Variants in TENM2 observed in about 807,000 individuals in gnomAD.
TENM2 encodes teneurin-2.
A neutral mutation model predicts 245.2 loss-of-function variants in TENM2; 52 were observed. The observed-to-expected ratio is 0.21, with a 90% confidence interval of 0.17 to 0.27. TENM2 has a LOEUF of 0.27. Among genes scored for constraint, TENM2 ranks in the 10% least tolerant of loss-of-function variants. The pLI is 1.00. For synonymous variants in TENM2, 1,363 were observed against 1,438.9 expected (o/e 0.95, Z 1.19); for missense variants, 3,046 against 3,666.8 (o/e 0.83, Z 4.37).
At chr5:167,366,932 A>G (rs937169569) in intron 1 of TENM2, among the ~76,000 whole-genome samples, 9 of 152,182 alleles carry the variant, frequency 5.9e-5, no homozygotes, top group Admixed American at 5.2e-4. Flanking sequence ...TGGAATTTTC[A>G]TCAGCAGAAA....
intron 2 of TENM2, among the ~76,000 whole-genome samples, chr5:167,515,905 C>T (rs562415668): frequency 1.7e-4 from 26 of 152,044 alleles, no homozygotes; most frequent in African/African-American, 5.5e-4. Context: ...TTGTTAATTA[C>T]ACTCATTTAG....
intron 4 of TENM2, among the ~76,000 whole-genome samples, chr5:167,991,598 G>A (rs1783671043): frequency 6.6e-6 from 1 of 152,158 alleles, no homozygotes; most frequent in Non-Finnish European, 1.5e-5. Context: ...TCCCGACCCT[G>A]AGGAGGAGCT....
intron 2 of TENM2, among the ~76,000 whole-genome samples, chr5:167,771,020 C>T (rs1240237475): frequency 1.3e-5 from 2 of 151,582 alleles, no homozygotes; most frequent in Admixed American, 6.6e-5. Context: ...TAAAAATAAC[C>T]TGAGATTTAA....
the TENM2 span, among the ~76,000 whole-genome samples, chr5:167,196,540 A>G: frequency 6.7e-6 from 1 of 149,678 alleles, no homozygotes; most frequent in Non-Finnish European, 1.5e-5. Flanking sequence ...GTGTGTACAT[A>G]TATGTGTGTA....
intron 2 of TENM2, among the ~76,000 whole-genome samples, chr5:167,802,672 C>T (rs1257173470): frequency 6.6e-6 from 1 of 152,166 alleles, no homozygotes; most frequent in Non-Finnish European, 1.5e-5. Context: ...AAACCAGTTA[C>T]ACACTGGGCA....
rs1180273750 is a variant in TENM2 at position 167,341,231 on chromosome 5, A to C, written c.227-33967A>C. Among the ~76,000 whole-genome samples, 4 of 152,304 alleles carry C rather than the reference A, an allele frequency of 2.6e-5. No individual in the cohort carries two copies. In the East Asian group the frequency reaches 7.7e-4, roughly 29 times the overall value. ...TTAATTGTGTGATTAAAATTAGAGAAGGGGATTTTATTTTATTTTATTTTT... is the reference window on the plus strand; with the variant it reads ...TTAATTGTGTGATTAAAATTAGAGACGGGGATTTTATTTTATTTTATTTTT... On this transcript the variant is annotated intron_variant, in intron 1 of 28. Transcript: ENST00000518659.
At chr5:167,814,343 T>G (rs1265633634) in intron 2 of TENM2, among the ~76,000 whole-genome samples, 2 of 151,428 alleles carry the variant, frequency 1.3e-5, no homozygotes, top group African/African-American at 4.9e-5. Flanking sequence ...CTAGCTGGGC[T>G]ATAGGACATA....
intron 2 of TENM2, among the ~76,000 whole-genome samples, chr5:167,850,398 G>A (rs1055943720): frequency 6.6e-6 from 1 of 152,188 alleles, no homozygotes; most frequent in African/African-American, 2.4e-5. Context: ...CTGTGAGGCT[G>A]TGGCAGAGTG....
rs977569725 is a variant in TENM2 at position 167,748,971 on chromosome 5, C to G, written c.503-127015C>G. On this transcript the variant is annotated intron_variant, in intron 2 of 28. Coordinates refer to ENST00000518659, the Ensembl canonical transcript of TENM2. ...TATATTGCCTAGGCTGGTCTCAAAT[C>G]CTTGGTCTCAAGCCATTCTCTCCCC... Among the ~76,000 whole-genome samples, 3 of 152,000 alleles carry G rather than the reference C, an allele frequency of 2.0e-5. No individual in the cohort carries two copies. In the South Asian group the frequency reaches 6.2e-4, roughly 32 times the overall value.
At chr5:167,931,020 T>C (rs1778241554) in intron 3 of TENM2, among the ~76,000 whole-genome samples, 1 of 152,174 alleles carries the variant, frequency 6.6e-6, no homozygotes, top group African/African-American at 2.4e-5. Flanking sequence ...GATCGCAAAC[T>C]AGTGCAGCAC....
At chr5:167,861,995 C>A (rs1025125102) in intron 2 of TENM2, among the ~76,000 whole-genome samples, 1 of 152,196 alleles carries the variant, frequency 6.6e-6, no homozygotes, top group Admixed American at 6.5e-5. Flanking sequence ...AGAAAACATG[C>A]CTCTTATGTT....
At chr5:168,212,023 C>T (rs182466890) in intron 20 of TENM2, among the ~76,000 whole-genome samples, 11 of 152,246 alleles carry the variant, frequency 7.2e-5, no homozygotes, top group Admixed American at 2.6e-4. Flanking sequence ...ACTTCTATCC[C>T]GACTGCTCAG....
At chr5:167,958,004 G>A (rs183106697) in intron 4 of TENM2, among the ~76,000 whole-genome samples, 52 of 152,270 alleles carry the variant, frequency 3.4e-4, no homozygotes, top group Middle Eastern at 6.8e-3. Flanking sequence ...TTGGTCCAGA[G>A]CTGAGTTCAA....
rs762116351 is a variant in TENM2, at chr5:167,312,907, C to CT, written c.226+27858dup. ...CCCTCATGAAACCTTGACCTTGACT[C>CT]TTTTTTTTTTTTTTAAATGGAGCCT... On this transcript the variant is annotated intron_variant, in intron 1 of 28. Coordinates refer to ENST00000518659, the Ensembl canonical transcript of TENM2. Among the ~76,000 whole-genome samples the CT allele has an allele frequency of 4.3e-3, 407 of 94,742 alleles. 4 individuals are homozygous for CT. The highest frequency in any genetic ancestry group is 0.011 in the African/African-American group (343 of 32,440). The allele number at this position is 94,742 out of a possible 152,430, so 62.2% of individuals were successfully genotyped here. A position where few individuals can be genotyped will look rare whatever the true frequency, so the allele number is the denominator to read the frequency against.
intron 7 of TENM2, among the ~76,000 whole-genome samples, chr5:168,077,510 G>A (rs1488552896): frequency 6.6e-6 from 1 of 151,842 alleles, no homozygotes; most frequent in Non-Finnish European, 1.5e-5. Flanking sequence ...CATGTGCCAT[G>A]TTGGTGTGCT....
chr5:167,247,737 A>C, the TENM2 span, among the ~76,000 whole-genome samples: 4 of 152,178 alleles, frequency 2.6e-5, no homozygotes, highest in African/African-American at 9.6e-5. Context: ...GAAAATGTGA[A>C]GCCTGAGAAA....
chr5:167,831,485 C>T (rs1397744863), intron 2 of TENM2, among the ~76,000 whole-genome samples: 2 of 127,764 alleles, frequency 1.6e-5, no homozygotes, highest in Non-Finnish European at 1.6e-5. Flanking sequence ...GAGTTCAGCA[C>T]TTTTTTTTTT....
chr5:168,038,959 C>G (rs1787943460), intron 5 of TENM2, among the ~76,000 whole-genome samples: 1 of 152,138 alleles, frequency 6.6e-6, no homozygotes, highest in Admixed American at 6.5e-5. Context: ...TTGAGGGCTG[C>G]TGGGGACTTG....
chr5:167,449,791 C>G (rs1444399388), intron 2 of TENM2, among the ~76,000 whole-genome samples: 1 of 152,080 alleles, frequency 6.6e-6, no homozygotes, highest in African/African-American at 2.4e-5. Flanking sequence ...AGCCCTGTCT[C>G]TACTAAAAAT....
Sources: allele counts gnomAD v4.1 joint callset (sites outside exome capture counted in the v4.1 genomes callset), GRCh38; gene constraint gnomAD v4.1.1; transcripts MANE v1.5; gene names NCBI Gene and HGNC (gene_info 2026-07-23, HGNC 2026-07-21).